MBTPS1: variants seen among roughly 807,000 people sequenced by gnomAD.
MBTPS1 encodes membrane-bound transcription factor site-1 protease.
MBTPS1 carries 94 observed loss-of-function variants against 127.8 expected under a neutral mutation model. The observed-to-expected ratio is 0.74, with a 90% confidence interval of 0.62 to 0.87. The LOEUF is 0.87. Ranked by LOEUF, MBTPS1 falls within the 40% of genes least tolerant of loss-of-function variation. The pLI is 0.00. For synonymous variants in MBTPS1, 632 were observed against 509.4 expected (o/e 1.24, Z -3.24); for missense variants, 1,636 against 1,353.2 (o/e 1.21, Z -3.28).
rs1223112142 is a variant in MBTPS1, at chr16:84,060,767, C to T, written c.2619G>A (p.Gly873=). ...AGTGACTGAGGCTAGGCGGTGTCAC[C>T]CCATACGATGTGTACTGGAGGAGGG... is the stretch of plus-strand genomic sequence containing the variant. ...LDALLQYTSY[G]VTPPSLSHSG... Residue 873 remains glycine (G), a synonymous_variant, in exon 20 of 23, where the codon GGG becomes GGA. Transcript: ENST00000343411. The T allele has an allele frequency of 6.2e-7, 1 of 1,606,774 alleles. No individual in the cohort carries two copies.
chr16:84,085,260 C>G, intron 9 of MBTPS1, 126 bp from the exon 10 acceptor site: 1 of 970,262 alleles, frequency 1.0e-6, no homozygotes. Flanking sequence ...TAGGAAGGTA[C>G]TGGTTTTAGT....
At chr16:84,074,537 G>T in intron 12 of MBTPS1, 60 bp downstream of exon 12, 1 of 1,558,836 alleles carries the variant, frequency 6.4e-7, no homozygotes, top group Non-Finnish European at 8.8e-7. Flanking sequence ...ATGGCCTAAA[G>T]GTCTGGGCTG....
At chr16:84,112,210 T>C (rs1170975896) in intron 1 of MBTPS1, among the ~76,000 whole-genome samples, 1 of 151,270 alleles carries the variant, frequency 6.6e-6, no homozygotes, top group Non-Finnish European at 1.5e-5. Flanking sequence ...ATGGAAACAA[T>C]GACAACAAAA....
chr16:84,072,822 G>A (rs148953400), intron 12 of MBTPS1, among the ~76,000 whole-genome samples: 3,000 of 152,228 alleles, frequency 0.02, 55 homozygotes, highest in Non-Finnish European at 0.026. Flanking sequence ...GTGAAGGTGT[G>A]GTGGAGCCAT....
chr16:84,095,652 T>C lies in MBTPS1; in HGVS notation c.575A>G (p.Gln192Arg). ...SRRLLRAIPR[Q>R]VAQTLQADVL... ...ATCTGCCTGCAGTGTCTGGGCAACC[T>C]GGCGCGGGATGGCTCTCAGCAGCCG... The change falls in exon 4 of 23, where the codon CAG becomes CGG. Residue 192 changes from glutamine (Q) to arginine (R), a missense_variant. Gln to Arg is a conservative substitution (Grantham distance 43). Coordinates refer to ENST00000343411, the MANE Select transcript of MBTPS1 (RefSeq NM_003791.4). 1.9e-6 allele frequency: 3 copies of C among 1,614,214 alleles called. No homozygotes were observed. The highest frequency in any genetic ancestry group is 1.3e-5 in the African/African-American group (1 of 75,070).
At chr16:84,078,214 G>C (rs1306765417) in intron 11 of MBTPS1, among the ~76,000 whole-genome samples, 1 of 152,112 alleles carries the variant, frequency 6.6e-6, no homozygotes, top group Non-Finnish European at 1.5e-5. Context: ...TTACCTAACA[G>C]AGCTACCGGG....
intron 10 of MBTPS1, among the ~76,000 whole-genome samples, chr16:84,082,616 T>A (rs968075866): frequency 2.0e-5 from 3 of 152,178 alleles, no homozygotes; most frequent in Non-Finnish European, 4.4e-5. Context: ...TTTTAATTCC[T>A]AAAATTGAGG....
intron 3 of MBTPS1, among the ~76,000 whole-genome samples, chr16:84,097,548 G>C (rs185302390): frequency 6.6e-6 from 1 of 152,180 alleles, no homozygotes; most frequent in Non-Finnish European, 1.5e-5. Flanking sequence ...CCCATCTCCA[G>C]AGAGTCTAGG....
At chr16:84,108,798 T>C (rs1204469071) in intron 1 of MBTPS1, among the ~76,000 whole-genome samples, 1 of 152,126 alleles carries the variant, frequency 6.6e-6, no homozygotes, top group Admixed American at 6.5e-5. Flanking sequence ...GTGATAGCAG[T>C]GAAGGTAAAA....
chr16:84,074,376 G>C (rs554336510), intron 12 of MBTPS1, among the ~76,000 whole-genome samples: 1 of 152,070 alleles, frequency 6.6e-6, no homozygotes, highest in East Asian at 1.9e-4. Context: ...CTGGGACCAC[G>C]GGCACACACC....
At chr16:84,085,226 G>C in intron 9 of MBTPS1, 92 bp from the exon 10 acceptor site, 2 of 1,293,230 alleles carry the variant, frequency 1.5e-6, no homozygotes, top group African/African-American at 1.5e-5. Context: ...CAGAGATATG[G>C]GTTAGTTAAA....
intron 9 of MBTPS1, among the ~76,000 whole-genome samples, chr16:84,087,127 G>A (rs539559803): frequency 6.6e-6 from 1 of 152,114 alleles, no homozygotes; most frequent in Non-Finnish European, 1.5e-5. Context: ...AGAATCAGCC[G>A]GTGCTCATCA....
At chr16:84,109,385 G>C (rs1392476792) in intron 1 of MBTPS1, 1 of 152,128 alleles carries the variant, frequency 6.6e-6, no homozygotes, top group Admixed American at 6.5e-5. Context: ...AAAAGAATGA[G>C]ATATTTACAT....
chr16:84,104,679 A>T (rs1315791556), intron 1 of MBTPS1, among the ~76,000 whole-genome samples: 1 of 152,224 alleles, frequency 6.6e-6, no homozygotes, highest in East Asian at 1.9e-4. Context: ...AAATTTTAAC[A>T]CAGCCCATGC....
At chr16:84,064,438 T>G (rs912055051) in intron 18 of MBTPS1, among the ~76,000 whole-genome samples, 1 of 152,190 alleles carries the variant, frequency 6.6e-6, no homozygotes, top group Non-Finnish European at 1.5e-5. Flanking sequence ...AAATTCCTAT[T>G]TTCAAATTCT....
chr16:84,110,684 C>T (rs1477507568), intron 1 of MBTPS1: 1 of 152,196 alleles, frequency 6.6e-6, no homozygotes, highest in African/African-American at 2.4e-5. Context: ...CAGATGAGAA[C>T]TGAGACCCAG....
chr16:84,097,283 TACA>T (rs2086190311), intron 3 of MBTPS1, among the ~76,000 whole-genome samples: 1 of 152,222 alleles, frequency 6.6e-6, no homozygotes, highest in African/African-American at 2.4e-5. Flanking sequence ...TTTGGTTACT[TACA>T]ACATCTTGAA....
chr16:84,100,370 C>T lies in MBTPS1; in HGVS notation c.164-1060G>A, dbSNP rs1470540900. 2.0e-5 allele frequency among the ~76,000 whole-genome samples: 3 copies of T among 152,286 alleles called. No individual in the cohort carries two copies. The East Asian group carries it at 5.8e-4, about 29-fold the overall frequency. ...GACCAGCCTGACCAACATGGAGAAA[C>T]GCAGTCTCTACTAAAAAGACAAAAT... On this transcript the variant is annotated intron_variant, in intron 2 of 22. Coordinates refer to ENST00000343411, the MANE Select transcript of MBTPS1 (RefSeq NM_003791.4).
intron 19 of MBTPS1, among the ~76,000 whole-genome samples, chr16:84,062,410 C>T (rs138396384): frequency 0.025 from 3,751 of 152,312 alleles, 134 homozygotes; most frequent in African/African-American, 0.086. Context: ...TGAGCCACCG[C>T]GCCCGGCCCA....
Sources: gnomAD v4.1 joint callset for allele counts (sites outside exome capture counted in the v4.1 genomes callset) on GRCh38, gnomAD v4.1.1 for gene constraint, MANE v1.5 for transcripts, NCBI Gene and HGNC (gene_info 2026-07-23, HGNC 2026-07-21) for gene names.